Variants in NTM observed in about 807,000 individuals in gnomAD.
NTM encodes the protein neurotrimin.
In NTM, 13 loss-of-function variants were observed where a neutral mutation model predicts 42.1. That is an observed-to-expected ratio of 0.31 (90% CI 0.20 to 0.49). The LOEUF (loss-of-function observed/expected upper bound fraction) is 0.49, where lower values mean the gene tolerates loss of function less well. Among genes scored for constraint, NTM ranks in the 20% least tolerant of loss-of-function variants. The pLI is 0.99. For synonymous variants in NTM, 187 were observed against 179.2 expected, an observed-to-expected ratio of 1.04 and a Z score of -0.35; for missense variants, 373 against 452.8, an observed-to-expected ratio of 0.82 and a Z score of 1.60.
chr11:131,814,312 T>A (rs2092859684), intron 1 of NTM, among the ~76,000 whole-genome samples: 1 of 152,130 alleles, frequency 6.6e-6, no homozygotes, highest in Non-Finnish European at 1.5e-5. Flanking sequence ...TTACTTCCCC[T>A]TCCAGATCAT....
At chr11:131,463,404 T>C (rs991254431) in intron 1 of NTM, among the ~76,000 whole-genome samples, 107 of 152,344 alleles carry the variant, frequency 7.0e-4, no homozygotes, top group African/African-American at 2.5e-3. Context: ...TGGGCACAGC[T>C]GAGCCAAACG....
chr11:131,705,585 A>G (rs1421287027), intron 1 of NTM, among the ~76,000 whole-genome samples: 3 of 152,154 alleles, frequency 2.0e-5, no homozygotes, highest in Admixed American at 6.5e-5. Context: ...TGTATAAATT[A>G]CCTCTAATTC....
intron 2 of NTM, among the ~76,000 whole-genome samples, chr11:132,120,448 C>A (rs2064606848): frequency 6.6e-6 from 1 of 152,156 alleles, no homozygotes; most frequent in Admixed American, 6.5e-5. Context: ...ACTTTAGACC[C>A]AGCTAATGGC....
chr11:131,705,197 C>A (rs1484641156), intron 1 of NTM, among the ~76,000 whole-genome samples: 1 of 152,030 alleles, frequency 6.6e-6, no homozygotes, highest in Non-Finnish European at 1.5e-5. Context: ...TTGAAAAAAT[C>A]AAAAACCTAG....
chr11:132,116,873 G>T (rs1178893234), intron 2 of NTM, among the ~76,000 whole-genome samples: 1 of 152,164 alleles, frequency 6.6e-6, no homozygotes, highest in African/African-American at 2.4e-5. Flanking sequence ...AATAATATGA[G>T]TGAATGAAAT....
intron 1 of NTM, among the ~76,000 whole-genome samples, chr11:131,422,357 C>T (rs1947628073): frequency 6.6e-6 from 1 of 152,204 alleles, no homozygotes; most frequent in African/African-American, 2.4e-5. Flanking sequence ...GGTTTCCCAT[C>T]TTCAGTCTGA....
intron 2 of NTM, among the ~76,000 whole-genome samples, chr11:131,951,237 C>G (rs2060948291): frequency 6.6e-6 from 1 of 152,176 alleles, no homozygotes; most frequent in Non-Finnish European, 1.5e-5. Flanking sequence ...GTATGTCTCA[C>G]TCATCTTTTT....
intron 2 of NTM, among the ~76,000 whole-genome samples, chr11:132,140,333 CT>C (rs1361183714): frequency 2.6e-5 from 4 of 152,200 alleles, no homozygotes; most frequent in Non-Finnish European, 4.4e-5. Context: ...TTTCCTCCCC[CT>C]AATCCTTTCA....
chr11:131,686,681 C>G (rs2073921651), intron 1 of NTM, among the ~76,000 whole-genome samples: 1 of 152,216 alleles, frequency 6.6e-6, no homozygotes, highest in African/African-American at 2.4e-5. Flanking sequence ...CAAGGGTCAA[C>G]CGCATCTGGT....
intron 1 of NTM, among the ~76,000 whole-genome samples, chr11:131,728,976 C>A (rs1477247662): frequency 6.6e-6 from 1 of 152,082 alleles, no homozygotes; most frequent in Non-Finnish European, 1.5e-5. Context: ...TACAATATCA[C>A]AAATGATATA....
chr11:131,714,482 C>T (rs535400369), intron 1 of NTM, among the ~76,000 whole-genome samples: 1 of 152,280 alleles, frequency 6.6e-6, no homozygotes, highest in East Asian at 1.9e-4. Context: ...TGAGCCACCA[C>T]AACCAGCCAA....
intron 2 of NTM, among the ~76,000 whole-genome samples, chr11:132,074,247 A>G (rs1419666793): frequency 6.6e-6 from 1 of 152,182 alleles, no homozygotes; most frequent in Non-Finnish European, 1.5e-5. Context: ...GACACTGGGA[A>G]CACCAGGCCT....
intron 2 of NTM, among the ~76,000 whole-genome samples, chr11:132,028,537 A>C (rs1298444266): frequency 1.3e-5 from 2 of 151,802 alleles, no homozygotes; most frequent in African/African-American, 4.8e-5. Context: ...ATGATGAGCT[A>C]CTCCTATGGA....
intron 1 of NTM, chr11:131,660,832 A>T: frequency 2.5e-6 from 3 of 1,208,042 alleles, no homozygotes; most frequent in Non-Finnish European, 3.2e-6. Flanking sequence ...AATAATATTC[A>T]CTCATTGTTA....
At position 131,425,090 on chromosome 11, in the gene NTM, C is replaced by T. The variant is rs141722933; in HGVS notation, c.82+54202C>T. On this transcript the variant is annotated intron_variant, in intron 1 of 8. Transcript: ENST00000683400. ...GGAGACAGGGTTTCATCATGTTGGCCAGGCTGGTTTTGAACATCTGGCCTC... is the reference window on the plus strand; with the variant it reads ...GGAGACAGGGTTTCATCATGTTGGCTAGGCTGGTTTTGAACATCTGGCCTC... 8.6e-3 allele frequency among the ~76,000 whole-genome samples: 1,306 copies of T among 151,078 alleles called. 15 individuals carry two copies. Among genetic ancestry groups the T allele is most frequent in the African/African-American group, 0.03 (1,232 of 41,092 alleles).
At chr11:131,483,167 G>A (rs1430773573) in intron 1 of NTM, among the ~76,000 whole-genome samples, 1 of 152,214 alleles carries the variant, frequency 6.6e-6, no homozygotes, top group Non-Finnish European at 1.5e-5. Flanking sequence ...TGAAGTCAAA[G>A]CTTCGAGAGA....
intron 3 of NTM, among the ~76,000 whole-genome samples, chr11:132,159,600 T>G (rs1229799691): frequency 6.6e-6 from 1 of 152,108 alleles, no homozygotes. Flanking sequence ...GGAGAAGCTA[T>G]TTGAAAGCAG....
chr11:132,005,557 T>C (rs929386493), intron 2 of NTM, among the ~76,000 whole-genome samples: 4 of 152,224 alleles, frequency 2.6e-5, no homozygotes, highest in African/African-American at 9.6e-5. Context: ...TGATATCTCA[T>C]CAATTTGTTG....
intron 1 of NTM, among the ~76,000 whole-genome samples, chr11:131,786,338 C>T (rs1330130231): frequency 2.0e-5 from 3 of 152,142 alleles, no homozygotes. Flanking sequence ...AAAAACGTCA[C>T]CTGTGCATTG....
Sources: gnomAD v4.1 joint callset for allele counts (sites outside exome capture counted in the v4.1 genomes callset) on GRCh38, gnomAD v4.1.1 for gene constraint, MANE v1.5 for transcripts, NCBI Gene and HGNC (gene_info 2026-07-23, HGNC 2026-07-21) for gene names.